Variants in CD8B2 observed in about 807,000 individuals in gnomAD.
CD8B2 encodes the protein CD8B family member 2, also known as T-cell surface glycoprotein CD8 beta-2 chain.
CD8B2 carries 11 observed loss-of-function variants against 23.7 expected under a neutral mutation model. That is an observed-to-expected ratio of 0.46 (90% CI 0.29 to 0.77). The LOEUF (loss-of-function observed/expected upper bound fraction) is 0.77. Ranked by LOEUF, CD8B2 falls within the 30% of genes least tolerant of loss-of-function variation. CD8B2 has a pLI of 0.09. For synonymous variants in CD8B2, 90 were observed against 109.3 expected (o/e 0.82, Z 1.10); for missense variants, 197 against 270.5 (o/e 0.73, Z 1.91).
intron 4 of CD8B2, among the ~76,000 whole-genome samples, chr2:106,503,604 G>T (rs1679453998): frequency 6.6e-6 from 1 of 152,176 alleles, no homozygotes; most frequent in South Asian, 2.1e-4. Context: ...GCAGTTGGCT[G>T]TATTTACTTA....
downstream of CD8B2, among the ~76,000 whole-genome samples, chr2:106,515,109 A>G (rs1192995857): frequency 6.6e-6 from 1 of 152,178 alleles, no homozygotes; most frequent in Non-Finnish European, 1.5e-5. Flanking sequence ...CACCCAGGAA[A>G]AGTACTTTGC....
intron 5 of CD8B2, among the ~76,000 whole-genome samples, chr2:106,528,510 G>A (rs973400750): frequency 6.6e-6 from 1 of 152,078 alleles, no homozygotes; most frequent in Non-Finnish European, 1.5e-5. Flanking sequence ...ACCACTTATT[G>A]AAAAGAAATG....
intron 5 of CD8B2, among the ~76,000 whole-genome samples, chr2:106,527,929 A>G (rs1679937598): frequency 6.6e-6 from 1 of 152,202 alleles, no homozygotes; most frequent in Non-Finnish European, 1.5e-5. Context: ...AAGCTGTTTC[A>G]TGGCTCAATG....
chr2:106,490,800 A>G (rs1573327440), intron 1 of CD8B2, 74 bp from the exon 2 acceptor site: 2 of 1,533,762 alleles, frequency 1.3e-6, no homozygotes, highest in Non-Finnish European at 1.8e-6. Flanking sequence ...TTGACACTTG[A>G]CTCAGTGTGA....
chr2:106,522,494 G>C (rs1468797823), intron 5 of CD8B2, among the ~76,000 whole-genome samples: 1 of 152,156 alleles, frequency 6.6e-6, no homozygotes, highest in African/African-American at 2.4e-5. Context: ...AAAGTCCAAA[G>C]GTACTGGAGT....
intron 3 of CD8B2, among the ~76,000 whole-genome samples, chr2:106,497,694 G>A (rs2104554080): frequency 6.6e-6 from 1 of 152,312 alleles, no homozygotes; most frequent in East Asian, 1.9e-4. Flanking sequence ...GCCGTCACAT[G>A]AGGTCACAGT....
At chr2:106,488,214 G>A (rs1174380673) in intron 1 of CD8B2, among the ~76,000 whole-genome samples, 1 of 151,608 alleles carries the variant, frequency 6.6e-6, no homozygotes, top group Non-Finnish European at 1.5e-5. Context: ...CTGCCCGCCG[G>A]GGGTTCTGGC....
chr2:106,499,392 C>T (rs542633373), intron 3 of CD8B2, among the ~76,000 whole-genome samples: 8 of 151,936 alleles, frequency 5.3e-5, no homozygotes, highest in Non-Finnish European at 1.2e-4. Context: ...ATTAGCTGGG[C>T]ATTGTGGTGG....
intron 5 of CD8B2, among the ~76,000 whole-genome samples, chr2:106,540,359 T>G (rs776764403): frequency 3.3e-5 from 5 of 152,164 alleles, no homozygotes; most frequent in Non-Finnish European, 7.4e-5. Flanking sequence ...CAATTAGCCC[T>G]AGGAGACCAG....
chr2:106,517,703 T>TTTTTTTTG (rs980021653), intron 5 of CD8B2, among the ~76,000 whole-genome samples: 6 of 135,972 alleles, frequency 4.4e-5, no homozygotes, highest in Non-Finnish European at 8.1e-5. Context: ...AGCTTCTGTT[T>TTTTTTTTG]TTTTTTTGTT....
intron 5 of CD8B2, among the ~76,000 whole-genome samples, chr2:106,517,662 A>G (rs1322428375): frequency 6.6e-6 from 1 of 150,620 alleles, no homozygotes; most frequent in Non-Finnish European, 1.5e-5. Flanking sequence ...GTCCCTTCCT[A>G]TAGTTTTTAA....
At chr2:106,493,890 C>G (rs1679245136) in intron 2 of CD8B2, among the ~76,000 whole-genome samples, 1 of 152,140 alleles carries the variant, frequency 6.6e-6, no homozygotes, top group Non-Finnish European at 1.5e-5. Flanking sequence ...AGTGCCTGCC[C>G]CAAAAGTTGT....
chr2:106,496,843 T>C (rs1395943826), intron 3 of CD8B2, among the ~76,000 whole-genome samples: 2 of 152,212 alleles, frequency 1.3e-5, no homozygotes, highest in Non-Finnish European at 2.9e-5. Context: ...TACATTATGA[T>C]AATGGTTGCA....
At chr2:106,536,241 A>T (rs1043868546) in intron 5 of CD8B2, among the ~76,000 whole-genome samples, 4 of 152,084 alleles carry the variant, frequency 2.6e-5, no homozygotes, top group African/African-American at 9.7e-5. Flanking sequence ...CATGTTGGTC[A>T]GGCTGGTCTC....
At chr2:106,494,156 CT>C (rs58958773) in intron 2 of CD8B2, among the ~76,000 whole-genome samples, 20,152 of 143,912 alleles carry the variant, frequency 0.14, 1,440 homozygotes, top group Non-Finnish European at 0.18. Flanking sequence ...CCCCCAACAC[CT>C]TTTTTTTTTT....
At chr2:106,514,629 ACAGGG>A (rs1489638343), downstream of CD8B2, among the ~76,000 whole-genome samples, 1 of 151,732 alleles carries the variant, frequency 6.6e-6, no homozygotes, top group East Asian at 1.9e-4. Flanking sequence ...ATTGTGACAT[ACAGGG>A]CTGTTCAATG....
chr2:106,497,815 C>T (rs1679327784), intron 3 of CD8B2, among the ~76,000 whole-genome samples: 1 of 152,122 alleles, frequency 6.6e-6, no homozygotes, highest in Admixed American at 6.6e-5. Flanking sequence ...CGATTTCAGG[C>T]AGACTACAAT....
chr2:106,538,781 A>G (rs915596685), intron 5 of CD8B2, among the ~76,000 whole-genome samples: 2 of 151,880 alleles, frequency 1.3e-5, no homozygotes, highest in Non-Finnish European at 2.9e-5. Context: ...CTCCCTCTTC[A>G]TATTATGCTC....
intron 5 of CD8B2, among the ~76,000 whole-genome samples, chr2:106,522,866 C>T (rs765839921): frequency 1.3e-5 from 2 of 152,182 alleles, no homozygotes; most frequent in Non-Finnish European, 2.9e-5. Context: ...GAATCCCAGG[C>T]AATCATTCCG....
Sources: allele counts gnomAD v4.1 joint callset (sites outside exome capture counted in the v4.1 genomes callset), GRCh38; gene constraint gnomAD v4.1.1; transcripts MANE v1.5; gene names NCBI Gene and HGNC (gene_info 2026-07-23, HGNC 2026-07-21).